The following LAMP1 variants were observed in gnomAD, a reference collection of about 807,000 sequenced individuals.
LAMP1 encodes lysosome associated membrane protein 1.
A neutral mutation model predicts 37.5 loss-of-function variants in LAMP1; 7 were observed. The observed-to-expected ratio is 0.19, with a 90% confidence interval of 0.11 to 0.35. LAMP1 has a LOEUF of 0.35. Among genes scored for constraint, LAMP1 ranks in the 10% least tolerant of loss-of-function variants. The pLI is 1.00. For missense variants in LAMP1, 537 were observed against 552.8 expected (o/e 0.97, Z 0.29); for synonymous variants, 236 against 229.1 (o/e 1.03, Z -0.27).
At chr13:113,317,017 A>G (rs2042669165) in intron 4 of LAMP1, among the ~76,000 whole-genome samples, 1 of 152,210 alleles carries the variant, frequency 6.6e-6, no homozygotes, top group Admixed American at 6.5e-5. Context: ...GGGAGCTATG[A>G]GTCGGGAACC....
At chr13:113,314,843 T>A (rs559075083) in intron 4 of LAMP1, among the ~76,000 whole-genome samples, 10 of 126,870 alleles carry the variant, frequency 7.9e-5, no homozygotes, top group African/African-American at 3.2e-4. Context: ...GGGCGTGGCC[T>A]CCTGGAGGCA....
intron 2 of LAMP1, among the ~76,000 whole-genome samples, chr13:113,308,487 G>C (rs1163980150): frequency 2.0e-5 from 3 of 151,312 alleles, no homozygotes; most frequent in African/African-American, 4.9e-5. Flanking sequence ...CATGCGCCCA[G>C]CTAATTTTTG....
chr13:113,298,737 G>A (rs2042555519), intron 1 of LAMP1, among the ~76,000 whole-genome samples: 2 of 152,230 alleles, frequency 1.3e-5, no homozygotes, highest in Admixed American at 6.5e-5. Context: ...GTCAGGTGTA[G>A]TTAATGAAAG....
At chr13:113,300,812 T>C (rs1233535516) in intron 1 of LAMP1, among the ~76,000 whole-genome samples, 3 of 152,146 alleles carry the variant, frequency 2.0e-5, no homozygotes, top group Non-Finnish European at 4.4e-5. Flanking sequence ...AGACTCCATC[T>C]CAAAAAAACA....
intron 4 of LAMP1, among the ~76,000 whole-genome samples, chr13:113,314,836 C>T (rs1232435024): frequency 8.1e-6 from 1 of 123,718 alleles, no homozygotes; most frequent in East Asian, 3.0e-4. Flanking sequence ...GTGCCTGGGG[C>T]GTGGCCTCCT....
At position 113,321,872 on chromosome 13, in the gene LAMP1, C is replaced by G. The variant is rs1446221355; in HGVS notation, c.1114+145C>G. On this transcript the variant is annotated intron_variant, in intron 8 of 8. Transcript: ENST00000332556. The surrounding 1 kb of genome is among the most constrained non-coding windows in gnomAD (Gnocchi z 5.6). ...TGTTTCTTCTTGCCGGTCTGAGATT[C>G]TAGAGGTAACTCCCCCTGCTTTAGA... 5 of 767,936 alleles carry G rather than the reference C, an allele frequency of 6.5e-6. No individual in the cohort carries two copies. Among genetic ancestry groups the G allele is most frequent in the Non-Finnish European group, 1.0e-5 (5 of 483,670 alleles). The allele number at this position is 767,936 out of a possible 1,614,324, so 47.6% of individuals were successfully genotyped here. A position where few individuals can be genotyped will look rare whatever the true frequency, so the allele number is the denominator to read the frequency against.
chr13:113,321,724 T>C lies in LAMP1; in HGVS notation c.1111T>C (p.Ser371Pro). 6.2e-7 allele frequency: 1 copy of C among 1,613,940 alleles called. No individual in the cohort carries two copies. The highest frequency in any genetic ancestry group is 1.1e-5 in the South Asian group (1 of 91,082). ...AFKVEGGQFG[S>P]VEECLLDENS... The stretch of plus-strand genomic sequence containing the variant: ...CAAGGTGGAAGGTGGCCAGTTTGGC[T>C]CTGGTGAGTGTCACCGAGGGCAGCT... The change falls in exon 8 of 9, where the codon TCT becomes CCT. Residue 371 changes from serine to proline, a missense_variant. By Grantham distance (74) the Ser-to-Pro change is moderately conservative (BLOSUM62 -1). Transcript: ENST00000332556. This position sits in a 1 kb window ranked among gnomAD's most constrained non-coding sequence, Gnocchi z 5.6.
Position 113,322,483 on chromosome 13 carries a change from C to T in LAMP1, c.*62C>T, listed in dbSNP as rs138594896. 6.0e-6 allele frequency: 9 copies of T among 1,499,694 alleles called. No homozygotes were observed. The Middle Eastern group carries it at 7.5e-4, about 125-fold the overall frequency. 92.9% of individuals were successfully genotyped at this position (1,499,694 alleles called of 1,614,324 possible). A position where few individuals can be genotyped will look rare whatever the true frequency, so the allele number is the denominator to read the frequency against. On this transcript the variant is annotated 3_prime_UTR_variant, in exon 9 of 9. Coordinates refer to ENST00000332556, the MANE Select transcript of LAMP1 (RefSeq NM_005561.4). ...TGTTCCTTTCTCTGGGCTTAGGGTC[C>T]TGTCGAAGGGGAGGCACACTTTCTG...
At chr13:113,314,462 TG>T (rs2042649930) in intron 4 of LAMP1, among the ~76,000 whole-genome samples, 2 of 86,720 alleles carry the variant, frequency 2.3e-5, no homozygotes, top group Non-Finnish European at 2.1e-5. Flanking sequence ...CGTGGCCTCC[TG>T]GAGGGAACCA....
rs201559462 is a variant in LAMP1 at position 113,310,687 on chromosome 13, ATTTT to A, written c.404-11_404-8del. ...GTACTGCAAGTAGTTTGCAATTGTGATTTTTTTTTTTTTTAATCTAGAAATCAAG... is the reference window on the plus strand; with the variant it reads ...GTACTGCAAGTAGTTTGCAATTGTGATTTTTTTTTTAATCTAGAAATCAAG... On this transcript the variant is annotated intron_variant, in intron 3 of 8. Coordinates refer to ENST00000332556, the MANE Select transcript of LAMP1 (RefSeq NM_005561.4). 4.7e-6 allele frequency: 6 copies of A among 1,274,718 alleles called. No homozygotes were observed. The highest frequency in any genetic ancestry group is 4.4e-5 in the South Asian group (3 of 68,542). 79.0% of individuals were successfully genotyped at this position (1,274,718 alleles called of 1,614,324 possible).
chr13:113,312,231 A>C (rs983528203), intron 4 of LAMP1, among the ~76,000 whole-genome samples: 4 of 152,212 alleles, frequency 2.6e-5, no homozygotes, highest in Non-Finnish European at 5.9e-5. Context: ...CATACAGCCC[A>C]TGAGCTAAGA....
chr13:113,304,750 T>C (rs1230962068), intron 1 of LAMP1, among the ~76,000 whole-genome samples: 1 of 151,886 alleles, frequency 6.6e-6, no homozygotes, highest in African/African-American at 2.4e-5. Context: ...TCGGCCTCCC[T>C]GGTTCAAGTG....
rs200783496 is a variant in LAMP1, at chr13:113,306,497, G to A, written c.74G>A (p.Cys25Tyr). The A allele has an allele frequency of 2.2e-4, 359 of 1,613,912 alleles. No homozygotes were observed. Among genetic ancestry groups the A allele is most frequent in the Non-Finnish European group, 2.8e-4 (335 of 1,179,958 alleles). Residue 25 changes from cysteine to tyrosine, a missense_variant, in exon 2 of 9, where the codon TGT becomes TAT. Coordinates refer to ENST00000332556, the MANE Select transcript of LAMP1 (RefSeq NM_005561.4). ...CTGGAATTGACAGGCCTCATGCATT[G>A]TGCGTCAGCAGCAATGTTTATGGTG... ...LLLLLLGLMHCASAAMFMVKN... is the reference protein window; with the variant it reads ...LLLLLLGLMHYASAAMFMVKN...
intron 1 of LAMP1, among the ~76,000 whole-genome samples, chr13:113,301,504 T>TC (rs1316584889): frequency 1.3e-5 from 2 of 151,374 alleles, no homozygotes; most frequent in African/African-American, 4.9e-5. Context: ...ACCCCTGTAG[T>TC]CATAGCTACT....
At chr13:113,310,682 T>C in intron 3 of LAMP1, 27 bp from the exon 4 acceptor site, 1 of 1,479,036 alleles carries the variant, frequency 6.8e-7, no homozygotes, top group Non-Finnish European at 9.2e-7. Flanking sequence ...TAGTTTGCAA[T>C]TGTGATTTTT....
At chr13:113,300,695 G>A (rs1439176966) in intron 1 of LAMP1, among the ~76,000 whole-genome samples, 2 of 151,966 alleles carry the variant, frequency 1.3e-5, no homozygotes, top group Non-Finnish European at 2.9e-5. Context: ...GCACAGGCCT[G>A]TAGTCCCAGT....
intron 1 of LAMP1, among the ~76,000 whole-genome samples, chr13:113,304,478 A>G (rs1020160797): frequency 6.6e-6 from 1 of 152,186 alleles, no homozygotes; most frequent in African/African-American, 2.4e-5. Context: ...AACCTTTACT[A>G]TGTCAAAAAT....
chr13:113,320,396 A>T lies in LAMP1; in HGVS notation c.802A>T (p.Ser268Cys). 6.2e-6 allele frequency: 10 copies of T among 1,613,208 alleles called. No homozygotes were observed. The highest frequency in any genetic ancestry group is 6.8e-6 in the Non-Finnish European group (8 of 1,179,954). ...INPNKTSASG[S>C]CGAHLVTLEL... ...CCCCAACAAGACCTCGGCCAGCGGG[A>T]GCTGCGGCGCCCACCTGGTGACTCT... Residue 268 changes from serine to cysteine, a missense_variant, in exon 6 of 9, where the codon AGC (serine) becomes TGC (cysteine). Transcript: ENST00000332556. This position sits in a 1 kb window ranked among gnomAD's most constrained non-coding sequence, Gnocchi z 4.4.
intron 1 of LAMP1, among the ~76,000 whole-genome samples, chr13:113,303,522 CT>C (rs398056906): frequency 3.6e-3 from 508 of 142,028 alleles, no homozygotes; most frequent in Admixed American, 6.1e-3. Context: ...GGTTTTTTGT[CT>C]TTTTTTTTTT....
Sources: allele counts gnomAD v4.1 joint callset (sites outside exome capture counted in the v4.1 genomes callset), GRCh38; gene constraint gnomAD v4.1.1; non-coding constraint Gnocchi (gnomAD v3.1); transcripts MANE v1.5; gene names NCBI Gene and HGNC (gene_info 2026-07-23, HGNC 2026-07-21).